DLGAP5: variants seen among roughly 807,000 people sequenced by gnomAD.
DLGAP5 encodes the protein DLG associated protein 5.
A neutral mutation model predicts 99.6 loss-of-function variants in DLGAP5; 90 were observed. The observed-to-expected ratio is 0.90, with a 90% CI of 0.76 to 1.08. The LOEUF is 1.08. DLGAP5 is among the 50% of genes least tolerant of loss of function. The pLI, the probability that DLGAP5 is intolerant of heterozygous loss-of-function variation, is 0.00. For missense variants in DLGAP5, 1,036 were observed against 983.5 expected, an observed-to-expected ratio of 1.05 and a Z score of -0.71; for synonymous variants, 311 against 321.3, an observed-to-expected ratio of 0.97 and a Z score of 0.34.
At position 55,179,675 on chromosome 14, in the gene DLGAP5, G is replaced by T. The variant is rs751171239; in HGVS notation, c.728C>A (p.Pro243Gln). 4 of 1,610,588 alleles carry T rather than the reference G, an allele frequency of 2.5e-6. No individual in the cohort carries two copies. In the South Asian group the frequency reaches 4.4e-5, roughly 18 times the overall value. ...ATTTTTGGCAGGTCTTCCTTTACTT[G>T]GCACCTTTCCTTCTGGTTCGTTTTC... ...ANENEPEGKV[P>Q]SKGRPAKNVE... is the part of the protein sequence containing the mutation. The change falls in exon 7 of 19, where the codon CCA becomes CAA. Residue 243 changes from proline (P) to glutamine (Q), a missense_variant. By Grantham distance (76) the Pro-to-Gln change is moderately conservative. Transcript: ENST00000247191.
chr14:55,167,987 ATT>A (rs202182857), intron 12 of DLGAP5, among the ~76,000 whole-genome samples: 2 of 150,876 alleles, frequency 1.3e-5, no homozygotes, highest in Non-Finnish European at 3.0e-5. Flanking sequence ...TTGCTCCCCA[ATT>A]TTTTTTTCTG....
chr14:55,174,161 C>G (rs1036121508), intron 10 of DLGAP5, among the ~76,000 whole-genome samples: 4 of 152,194 alleles, frequency 2.6e-5, no homozygotes, highest in Non-Finnish European at 4.4e-5. Context: ...GGGTGGGTCT[C>G]TTAACTGGCC....
intron 12 of DLGAP5, among the ~76,000 whole-genome samples, chr14:55,163,679 A>T (rs1882527292): frequency 6.6e-6 from 1 of 152,220 alleles, no homozygotes. Flanking sequence ...TACCCTCCCC[A>T]GCACTTGCTG....
At chr14:55,161,638 G>A (rs1372142837) in intron 13 of DLGAP5, among the ~76,000 whole-genome samples, 3 of 150,772 alleles carry the variant, frequency 2.0e-5, no homozygotes, top group East Asian at 2.0e-4. Context: ...TCGAACTCCC[G>A]ACCTCAGGTG....
intron 18 of DLGAP5, 183 bp from the exon 19 acceptor site, chr14:55,148,656 C>A: frequency 7.8e-7 from 1 of 1,285,550 alleles, no homozygotes; most frequent in South Asian, 1.3e-5. Flanking sequence ...GACTTCAAGA[C>A]CAGCCCGAGC....
At position 55,183,547 on chromosome 14, in the gene DLGAP5, A is replaced by T. The variant is rs777176791; in HGVS notation, c.432+13T>A. 3.9e-6 allele frequency: 6 copies of T among 1,537,332 alleles called. No homozygotes were observed. The Admixed American group carries it at 1.2e-4, about 30-fold the overall frequency. On this transcript the variant is annotated intron_variant, in intron 3 of 18. Coordinates refer to ENST00000247191, the MANE Select transcript of DLGAP5 (RefSeq NM_014750.5). ...AAAGAAACTATTCCTTTATATTAAGACACTAAATTTACCTTTTTTGGCTCA... is the reference window on the plus strand; with the variant it reads ...AAAGAAACTATTCCTTTATATTAAGTCACTAAATTTACCTTTTTTGGCTCA...
intron 18 of DLGAP5, among the ~76,000 whole-genome samples, chr14:55,149,822 G>GC (rs1881950837): frequency 7.4e-6 from 1 of 134,274 alleles, no homozygotes; most frequent in South Asian, 2.8e-4. Context: ...GGGCGGGGGG[G>GC]GGGCATCACC....
intron 10 of DLGAP5, 46 bp downstream of exon 10, chr14:55,175,300 C>A: frequency 6.4e-7 from 1 of 1,570,916 alleles, no homozygotes; most frequent in South Asian, 1.2e-5. Flanking sequence ...TTTTAAATGT[C>A]TAGATATTAA....
chr14:55,184,217 G>A lies in DLGAP5; in HGVS notation c.239-464C>T, dbSNP rs577939810. The stretch of plus-strand genomic sequence containing the variant: ...ACACACCTGTAGTCCCATCTACTGG[G>A]AAGGCTGAGGTGGAAGGATCATTTG... On this transcript the variant is annotated intron_variant, in intron 2 of 18. Coordinates refer to ENST00000247191, the MANE Select transcript of DLGAP5 (RefSeq NM_014750.5). 7.2e-5 allele frequency among the ~76,000 whole-genome samples: 11 copies of A among 152,242 alleles called. No homozygotes were observed. The South Asian group carries it at 2.3e-3, about 32-fold the overall frequency.
At chr14:55,178,385 C>T (rs1290338023) in intron 7 of DLGAP5, among the ~76,000 whole-genome samples, 1 of 152,188 alleles carries the variant, frequency 6.6e-6, no homozygotes, top group Admixed American at 6.5e-5. Context: ...AAGAGCAATA[C>T]TTTCAATGTG....
At chr14:55,177,609 C>A (rs1160918232) in intron 7 of DLGAP5, among the ~76,000 whole-genome samples, 1 of 151,604 alleles carries the variant, frequency 6.6e-6, no homozygotes, top group Non-Finnish European at 1.5e-5. Flanking sequence ...GCGATCTCGG[C>A]TCCCTGCAAG....
rs376290753 is a variant in DLGAP5 at position 55,154,557 on chromosome 14, T to C, written c.2063+60A>G. 39 of 1,383,400 alleles carry C rather than the reference T, an allele frequency of 2.8e-5. No homozygotes were observed. In the East Asian group the frequency reaches 5.5e-4, roughly 19 times the overall value. The allele number at this position is 1,383,400 out of a possible 1,614,324, so 85.7% of individuals were successfully genotyped here. On this transcript the variant is annotated intron_variant, in intron 15 of 18. Transcript: ENST00000247191. The stretch of plus-strand genomic sequence containing the variant: ...CTGGCACCTTTTACCATCTTAACAA[T>C]CTGAAATGGTATTTAGTATCAGCAA...
chr14:55,190,817 T>C (rs1883589688), intron 1 of DLGAP5, among the ~76,000 whole-genome samples: 1 of 152,234 alleles, frequency 6.6e-6, no homozygotes, highest in Admixed American at 6.5e-5. Flanking sequence ...ACTATTTATC[T>C]CCTGCAATAT....
chr14:55,148,337 A>T lies in DLGAP5; in HGVS notation c.*14T>A. The T allele has an allele frequency of 6.2e-7, 1 of 1,611,856 alleles. No individual in the cohort carries two copies. The highest frequency in any genetic ancestry group is 8.5e-7 in the Non-Finnish European group (1 of 1,178,986). Reference sequence around the variant, plus strand: ...TGATAATATGAAGGAAAATGTTTGGATTTATTTTTAAATTCAAAATTCTCC... The same window carrying T: ...TGATAATATGAAGGAAAATGTTTGGTTTTATTTTTAAATTCAAAATTCTCC... On this transcript the variant is annotated 3_prime_UTR_variant, in exon 19 of 19. Transcript: ENST00000247191.
At position 55,175,885 on chromosome 14, in the gene DLGAP5, A is replaced by AT. The variant is rs1461578250; in HGVS notation, c.1174+8dup. 1.3e-6 allele frequency: 2 copies of AT among 1,566,406 alleles called. No individual in the cohort carries two copies. The highest frequency in any genetic ancestry group is 2.7e-5 in the African/African-American group (2 of 73,320). On this transcript the variant is annotated intron_variant, in intron 9 of 18. Transcript: ENST00000247191. ...TCTAAAAAATGAATAAATTAATTAA[A>AT]TACTATACCTTCATGCCAAACAGTT...
In DLGAP5 at chr14:55,174,814, A is replaced by C. The variant is rs1392656657; in HGVS notation, c.1301+532T>G. Among the ~76,000 whole-genome samples the C allele has an allele frequency of 7.2e-5, 11 of 152,150 alleles. No homozygotes were observed. The East Asian group carries it at 1.7e-3, about 24-fold the overall frequency. On this transcript the variant is annotated intron_variant, in intron 10 of 18. Transcript: ENST00000247191. The stretch of plus-strand genomic sequence containing the variant: ...CAAGCAATTCTCCTGCCTTAGCCTC[A>C]TGAGTAGCTGGGACTACAGGCGTGC...
chr14:55,169,472 C>T lies in DLGAP5; in HGVS notation c.1475G>A (p.Cys492Tyr), dbSNP rs764945640. The T allele has an allele frequency of 2.5e-5, 41 of 1,612,636 alleles. No individual in the cohort carries two copies. The highest frequency in any genetic ancestry group is 2.8e-5 in the Non-Finnish European group (33 of 1,179,528). Residue 492 changes from cysteine (C) to tyrosine (Y), a missense_variant, in exon 12 of 19, where the codon TGT becomes TAT. By Grantham distance (194) the Cys-to-Tyr change is radical. Transcript: ENST00000247191. ...CTCCTTTATACCTCGTTTATATTCA[C>T]AATCATCAACCAGTCCTTCAAACTG... ...FKQFEGLVDD[C>Y]EYKRGIKETT...
At chr14:55,167,708 C>A (rs1882693338) in intron 12 of DLGAP5, among the ~76,000 whole-genome samples, 1 of 152,126 alleles carries the variant, frequency 6.6e-6, no homozygotes, top group Non-Finnish European at 1.5e-5. Flanking sequence ...AATTGCCTTT[C>A]CACCCTCATG....
chr14:55,178,348 A>G (rs1883154985), intron 7 of DLGAP5, among the ~76,000 whole-genome samples: 1 of 152,220 alleles, frequency 6.6e-6, no homozygotes, highest in African/African-American at 2.4e-5. Flanking sequence ...AAGTTAAATA[A>G]CCTTAGATTA....
Sources: gnomAD v4.1 joint callset for allele counts (sites outside exome capture counted in the v4.1 genomes callset) on GRCh38, gnomAD v4.1.1 for gene constraint, MANE v1.5 for transcripts, NCBI Gene and HGNC (gene_info 2026-07-23, HGNC 2026-07-21) for gene names.